CLINT1: variants seen among roughly 807,000 people sequenced by gnomAD.
The protein encoded by CLINT1 is clathrin interacting protein localized in the trans-Golgi region.
CLINT1 carries 15 observed loss-of-function variants against 70.4 expected under a neutral mutation model. That is an observed-to-expected ratio of 0.21 (90% CI 0.14 to 0.33). The LOEUF (loss-of-function observed/expected upper bound fraction) is 0.33. Among genes scored for constraint, CLINT1 ranks in the 10% least tolerant of loss-of-function variants. CLINT1 has a pLI of 1.00. For synonymous variants in CLINT1, 227 were observed against 254.7 expected (o/e 0.89, Z 1.04); for missense variants, 615 against 778.1 (o/e 0.79, Z 2.49).
In CLINT1 at chr5:157,789,385, C is replaced by T; in HGVS notation, c.1509G>A (p.Leu503=). The T allele has an allele frequency of 2.5e-6, 4 of 1,613,912 alleles. No homozygotes were observed. The highest frequency in any genetic ancestry group is 3.4e-6 in the Non-Finnish European group (4 of 1,179,862). Reference sequence around the variant, plus strand: ...TACTCTGTTGCTGAATCATTGTATTCAGTGATGGCTGCTGGGGTTTGGAAG... The same window carrying T: ...TACTCTGTTGCTGAATCATTGTATTTAGTGATGGCTGCTGGGGTTTGGAAG... ...MQPSKPQQPS[L]NTMIQQQNMQ... Residue 503 remains leucine (L), a synonymous_variant, in exon 11 of 12, where the codon CTG becomes CTA. Transcript: ENST00000411809.
chr5:157,834,117 G>A (rs909424257), intron 1 of CLINT1, among the ~76,000 whole-genome samples: 3 of 150,022 alleles, frequency 2.0e-5, no homozygotes, highest in African/African-American at 7.6e-5. Flanking sequence ...CAAGGCAAGC[G>A]GATTGCCTAG....
intron 6 of CLINT1, among the ~76,000 whole-genome samples, chr5:157,808,524 A>T (rs1217084845): frequency 6.6e-6 from 1 of 152,136 alleles, no homozygotes; most frequent in African/African-American, 2.4e-5. Context: ...ACTCTAGTAG[A>T]GATATTGTGA....
intron 1 of CLINT1, among the ~76,000 whole-genome samples, chr5:157,824,063 A>G (rs1391421083): frequency 6.6e-6 from 1 of 152,214 alleles, no homozygotes; most frequent in Non-Finnish European, 1.5e-5. Context: ...TGGTGCCAAA[A>G]AGGTTAGAGA....
chr5:157,790,637 C>T (rs1049892285), intron 10 of CLINT1: 11 of 437,680 alleles, frequency 2.5e-5, no homozygotes, highest in African/African-American at 2.3e-4. Flanking sequence ...ATCCTAATAC[C>T]CCAAAGACGA....
At chr5:157,795,703 A>G (rs1432741504) in intron 8 of CLINT1, 1 of 152,232 alleles carries the variant, frequency 6.6e-6, no homozygotes, top group East Asian at 1.9e-4. Flanking sequence ...TTTTAAAAAT[A>G]AAAAGGGAAG....
chr5:157,806,111 C>G lies in CLINT1; in HGVS notation c.697G>C (p.Asp233His). 6.2e-7 allele frequency: 1 copy of G among 1,612,600 alleles called. No homozygotes were observed. The highest frequency in any genetic ancestry group is 8.5e-7 in the Non-Finnish European group (1 of 1,179,366). Residue 233 changes from aspartate to histidine, a missense_variant and splice_region_variant, in exon 7 of 12, where the codon GAC becomes CAC. Asp to His is a moderately conservative substitution (Grantham distance 81). Transcript: ENST00000411809. ...DREDSPERCS[D>H]SDEEKKARRG... ...CTCGCTTTCTTTTCCTCATCGCTGT[C>G]GCTAAAAGATATTAAAAATGAAGCA... is the stretch of plus-strand genomic sequence containing the variant.
chr5:157,836,951 T>C (rs1483219461), intron 1 of CLINT1, among the ~76,000 whole-genome samples: 1 of 152,232 alleles, frequency 6.6e-6, no homozygotes, highest in Non-Finnish European at 1.5e-5. Context: ...TATTTTCAAG[T>C]ACCTACAAGA....
chr5:157,805,857 C>T lies in CLINT1; in HGVS notation c.942+9G>A. The T allele has an allele frequency of 1.2e-6, 2 of 1,613,862 alleles. No homozygotes were observed. Among genetic ancestry groups the T allele is most frequent in the Non-Finnish European group, 8.5e-7 (1 of 1,179,824 alleles). The stretch of plus-strand genomic sequence containing the variant: ...CCATGTATAATGTGTAAACTACTGC[C>T]ATTCCCACCTTAACTGAAGACTGAG... On this transcript the variant is annotated intron_variant, in intron 7 of 11. Coordinates refer to ENST00000411809, the MANE Select transcript of CLINT1 (RefSeq NM_014666.4).
At chr5:157,791,015 C>T (rs1425955176) in intron 10 of CLINT1, among the ~76,000 whole-genome samples, 1 of 152,114 alleles carries the variant, frequency 6.6e-6, no homozygotes, top group Non-Finnish European at 1.5e-5. Context: ...AGAAATTTTA[C>T]TAAGTGGATA....
At chr5:157,810,572 C>T (rs916530093) in intron 5 of CLINT1, among the ~76,000 whole-genome samples, 2 of 152,040 alleles carry the variant, frequency 1.3e-5, no homozygotes, top group African/African-American at 4.8e-5. Flanking sequence ...TGGCAGTAAA[C>T]AAAAAACCCA....
chr5:157,837,640 G>A (rs893928954), intron 1 of CLINT1, among the ~76,000 whole-genome samples: 2 of 118,372 alleles, frequency 1.7e-5, no homozygotes, highest in African/African-American at 6.8e-5. Flanking sequence ...AATTTCTCAA[G>A]CTCTTTTACT....
At chr5:157,802,051 C>G (rs548312792) in intron 8 of CLINT1, among the ~76,000 whole-genome samples, 1 of 151,982 alleles carries the variant, frequency 6.6e-6, no homozygotes, top group African/African-American at 2.4e-5. Context: ...CCCATCACCA[C>G]GCCAAACTAA....
intron 1 of CLINT1, among the ~76,000 whole-genome samples, chr5:157,820,354 T>TG (rs1222504744): frequency 6.6e-6 from 1 of 152,070 alleles, no homozygotes; most frequent in African/African-American, 2.4e-5. Context: ...GACGCTGAGG[T>TG]GGGAGGACTG....
chr5:157,802,519 C>T (rs1762255782), intron 8 of CLINT1, among the ~76,000 whole-genome samples: 1 of 151,116 alleles, frequency 6.6e-6, no homozygotes. Flanking sequence ...TCAAGGTAAA[C>T]AGTTCTTTTG....
chr5:157,829,716 A>G (rs1359953491), intron 1 of CLINT1, among the ~76,000 whole-genome samples: 1 of 71,398 alleles, frequency 1.4e-5, no homozygotes, highest in African/African-American at 5.2e-5. Flanking sequence ...TTTTTTTTGT[A>G]TTTTTAGTAA....
chr5:157,801,894 T>A (rs536164140), intron 8 of CLINT1, among the ~76,000 whole-genome samples: 31 of 148,466 alleles, frequency 2.1e-4, no homozygotes, highest in African/African-American at 8.0e-4. Flanking sequence ...AAGGTTAAGT[T>A]AAAGTTTTTT....
intron 5 of CLINT1, 43 bp downstream of exon 5, chr5:157,813,020 A>G: frequency 6.3e-7 from 1 of 1,584,398 alleles, no homozygotes; most frequent in Non-Finnish European, 8.6e-7. Context: ...ATACTCAAGA[A>G]GCTAAGCTGA....
intron 8 of CLINT1, among the ~76,000 whole-genome samples, chr5:157,799,046 A>G (rs190911506): frequency 2.6e-5 from 4 of 152,264 alleles, no homozygotes; most frequent in African/African-American, 7.2e-5. Flanking sequence ...AGCCTGAAAA[A>G]GATCTGCCAC....
chr5:157,852,535 T>C (rs1467252918), intron 1 of CLINT1, among the ~76,000 whole-genome samples: 3 of 152,250 alleles, frequency 2.0e-5, no homozygotes, highest in Non-Finnish European at 4.4e-5. Flanking sequence ...TGTTATACTG[T>C]TTTGTGTGTA....
Sources: allele counts gnomAD v4.1 joint callset (sites outside exome capture counted in the v4.1 genomes callset), GRCh38; gene constraint gnomAD v4.1.1; transcripts MANE v1.5; gene names NCBI Gene and HGNC (gene_info 2026-07-23, HGNC 2026-07-21).